The following CDH8 variants were observed in gnomAD, a reference collection of about 807,000 sequenced individuals.
CDH8 encodes the protein cadherin 8.
In CDH8, 17 loss-of-function variants were observed where a neutral mutation model predicts 68.1. That is an observed-to-expected ratio of 0.25 (90% CI 0.17 to 0.37). CDH8 has a LOEUF of 0.37. Ranked by LOEUF, CDH8 falls within the 10% of genes least tolerant of loss-of-function variation. The pLI is 1.00. For synonymous variants in CDH8, 372 were observed against 365.1 expected (o/e 1.02, Z -0.21); for missense variants, 763 against 999.3 (o/e 0.76, Z 3.19).
At chr16:61,856,598 G>C (rs1324947578) in intron 4 of CDH8, among the ~76,000 whole-genome samples, 2 of 152,030 alleles carry the variant, frequency 1.3e-5, no homozygotes, top group Admixed American at 1.3e-4. Context: ...GGATATATAT[G>C]TATTGTGTTT....
At chr16:61,667,084 A>G (rs550029886) in intron 10 of CDH8, 2 of 152,136 alleles carry the variant, frequency 1.3e-5, no homozygotes, top group East Asian at 3.9e-4. Context: ...GTGTACCAAC[A>G]TACTAAATCT....
intron 8 of CDH8, among the ~76,000 whole-genome samples, chr16:61,770,650 C>T (rs1474593140): frequency 6.6e-6 from 1 of 151,966 alleles, no homozygotes; most frequent in African/African-American, 2.4e-5. Flanking sequence ...TGCTTTCCTT[C>T]TTCACTTGCC....
At chr16:61,707,742 A>T (rs1596885671) in intron 10 of CDH8, among the ~76,000 whole-genome samples, 1 of 152,228 alleles carries the variant, frequency 6.6e-6, no homozygotes, top group Non-Finnish European at 1.5e-5. Flanking sequence ...TGTCAACTAC[A>T]TTTAATATCT....
rs77122284 is a variant in CDH8, at chr16:61,651,794, C to T, written c.*1814G>A. On this transcript the variant is annotated 3_prime_UTR_variant, in exon 12 of 12. Transcript: ENST00000577390. ...ACCCAAATGACACAGCTGGACTAGC[C>T]TTTAGGTGTTCCATGTTCCTCTTAT... 6.6e-6 allele frequency: 1 copy of T among 152,202 alleles called. No individual in the cohort carries two copies. Among genetic ancestry groups the T allele is most frequent in the Non-Finnish European group, 1.5e-5 (1 of 68,130 alleles). 9.4% of individuals were successfully genotyped at this position (152,202 alleles called of 1,614,324 possible).
chr16:61,907,740 T>C (rs992963545), intron 2 of CDH8, among the ~76,000 whole-genome samples: 13 of 151,438 alleles, frequency 8.6e-5, no homozygotes, highest in African/African-American at 3.2e-4. Flanking sequence ...CCTACACCTT[T>C]TAGAACCCAA....
At chr16:61,903,617 A>T (rs1964017501) in intron 2 of CDH8, among the ~76,000 whole-genome samples, 1 of 152,202 alleles carries the variant, frequency 6.6e-6, no homozygotes. Context: ...GGCGAAGCAT[A>T]GGTTTTTGAA....
Position 61,674,455 on chromosome 16 carries a change from C to CA in CDH8, c.1655-18735dup, listed in dbSNP as rs34845219. ...GGTGACAGTGCAAGACTCCAACTCA[C>CA]AAAAAAAAAAAAAAAACCCTCACAC... On this transcript the variant is annotated intron_variant, in intron 10 of 11. Coordinates refer to ENST00000577390, the MANE Select transcript of CDH8 (RefSeq NM_001796.5). Among the ~76,000 whole-genome samples the CA allele has an allele frequency of 9.1e-3, 1,091 of 119,578 alleles. 8 individuals are homozygous for CA. The highest frequency in any genetic ancestry group is 0.019 in the South Asian group (73 of 3,760). The allele number at this position is 119,578 out of a possible 152,430, so 78.4% of individuals were successfully genotyped here.
At chr16:61,707,153 G>A (rs944603462) in intron 10 of CDH8, among the ~76,000 whole-genome samples, 10 of 152,074 alleles carry the variant, frequency 6.6e-5, no homozygotes, top group Admixed American at 2.0e-4. Flanking sequence ...ACCTTATTTA[G>A]GTTCCTTATT....
intron 2 of CDH8, among the ~76,000 whole-genome samples, chr16:61,914,612 G>A (rs1322367954): frequency 1.3e-5 from 2 of 152,008 alleles, no homozygotes; most frequent in Non-Finnish European, 2.9e-5. Flanking sequence ...TCAGTGAGAT[G>A]TGACCTTCCT....
At chr16:61,688,633 T>C (rs1359786708) in intron 10 of CDH8, among the ~76,000 whole-genome samples, 1 of 151,904 alleles carries the variant, frequency 6.6e-6, no homozygotes, top group Non-Finnish European at 1.5e-5. Context: ...CTGAGATGGA[T>C]CATATCCCAG....
At chr16:61,899,742 T>C (rs894751501) in intron 3 of CDH8, among the ~76,000 whole-genome samples, 1 of 152,042 alleles carries the variant, frequency 6.6e-6, no homozygotes, top group African/African-American at 2.4e-5. Flanking sequence ...GAGAATAACT[T>C]ACTTGCAAAT....
intron 2 of CDH8, among the ~76,000 whole-genome samples, chr16:61,946,242 T>C (rs1290979291): frequency 6.6e-6 from 1 of 152,168 alleles, no homozygotes; most frequent in Admixed American, 6.6e-5. Context: ...AGTGGTTCTT[T>C]TGCTTTTTCT....
At position 61,655,696 on chromosome 16, in the gene CDH8, CT is replaced by C; in HGVS notation, c.1679del (p.Lys560SerfsTer18). ...GCTTCTGGCGGTTGAATCCATTATG[CT>C]TTGCCAAAATACTGAGGGAATTATC... ...NEDNSLSILAKHNGFNRQKQE... is the reference protein window; with the variant it reads ...NEDNSLSILAXHNGFNRQKQE... On this transcript the variant is annotated frameshift_variant, in exon 11 of 12. Transcript: ENST00000577390. LOFTEE classifies it high-confidence loss of function. 1 of 1,613,896 alleles carries C rather than the reference CT, an allele frequency of 6.2e-7. No individual in the cohort carries two copies. Among genetic ancestry groups the C allele is most frequent in the Non-Finnish European group, 8.5e-7 (1 of 1,179,846 alleles).
chr16:61,691,557 C>T (rs535525306), intron 10 of CDH8, among the ~76,000 whole-genome samples: 2 of 151,300 alleles, frequency 1.3e-5, no homozygotes, highest in Admixed American at 1.3e-4. Flanking sequence ...GGACTTTAGA[C>T]AAGCAAATCA....
chr16:61,873,364 G>A (rs527791508), intron 3 of CDH8, among the ~76,000 whole-genome samples: 1 of 152,148 alleles, frequency 6.6e-6, no homozygotes, highest in South Asian at 2.1e-4. Context: ...AATTGTGGAC[G>A]ACACAGGCTA....
intron 2 of CDH8, among the ~76,000 whole-genome samples, chr16:61,990,080 T>C (rs1271924113): frequency 6.6e-6 from 1 of 152,112 alleles, no homozygotes; most frequent in Non-Finnish European, 1.5e-5. Context: ...GAAGATTAAC[T>C]GATGTGTACT....
At chr16:61,912,452 C>T (rs1964177465) in intron 2 of CDH8, among the ~76,000 whole-genome samples, 1 of 152,034 alleles carries the variant, frequency 6.6e-6, no homozygotes, top group Non-Finnish European at 1.5e-5. Flanking sequence ...TTTCGAGTTT[C>T]TGTCATGATT....
At chr16:62,032,443 A>G (rs550420059) in intron 1 of CDH8, among the ~76,000 whole-genome samples, 1 of 152,334 alleles carries the variant, frequency 6.6e-6, no homozygotes, top group South Asian at 2.1e-4. Context: ...CACCAAAGTT[A>G]GGACGTTTTT....
intron 2 of CDH8, among the ~76,000 whole-genome samples, chr16:61,982,910 T>C (rs1965563329): frequency 6.6e-6 from 1 of 152,230 alleles, no homozygotes; most frequent in Admixed American, 6.5e-5. Context: ...TATAAAGGAA[T>C]TTATATACTG....
Sources: gnomAD v4.1 joint callset for allele counts (sites outside exome capture counted in the v4.1 genomes callset) on GRCh38, gnomAD v4.1.1 for gene constraint, MANE v1.5 for transcripts, NCBI Gene and HGNC (gene_info 2026-07-23, HGNC 2026-07-21) for gene names.